FKBP14: variants seen among roughly 807,000 people sequenced by gnomAD.
FKBP14 encodes the protein FKBP prolyl isomerase 14, also known as peptidyl-prolyl cis-trans isomerase FKBP14.
A neutral mutation model predicts 21.6 loss-of-function variants in FKBP14; 20 were observed. The observed-to-expected ratio is 0.92, with a 90% confidence interval of 0.65 to 1.34. The LOEUF (loss-of-function observed/expected upper bound fraction) is 1.34, where lower values mean the gene tolerates loss of function less well. Among genes scored for constraint, FKBP14 ranks in the 40% most tolerant of loss-of-function variants. The probability of loss-of-function intolerance (pLI) is 0.00; values close to 1 mark genes in which losing one functional copy is unlikely to be tolerated. For missense variants in FKBP14, 253 were observed against 249.0 expected (o/e 1.02, Z -0.11); for synonymous variants, 79 against 86.7 (o/e 0.91, Z 0.49).
chr7:30,012,499 C>A lies in FKBP14; in HGVS notation c.*2236G>T, dbSNP rs1789766438. 6.6e-6 allele frequency: 1 copy of A among 152,158 alleles called. No homozygotes were observed. The highest frequency in any genetic ancestry group is 6.5e-5 in the Admixed American group (1 of 15,280). 9.4% of individuals were successfully genotyped at this position (152,158 alleles called of 1,614,324 possible). ...ACATTAGCAATGACTTAATAGTTTT[C>A]AACATACAGCTGATTTTGTTGGAGA... On this transcript the variant is annotated 3_prime_UTR_variant, in exon 4 of 4. Transcript: ENST00000222803.
intron 3 of FKBP14, among the ~76,000 whole-genome samples, chr7:30,015,914 C>T (rs955550499): frequency 4.0e-5 from 6 of 149,394 alleles, no homozygotes; most frequent in Non-Finnish European, 5.9e-5. Flanking sequence ...CGTGAGCCAC[C>T]GCGCCCGGCC....
At position 30,010,818 on chromosome 7, in the gene FKBP14, G is replaced by A. The variant is rs1201583800; in HGVS notation, c.*3917C>T. 6.6e-6 allele frequency: 1 copy of A among 152,080 alleles called. No homozygotes were observed. The highest frequency in any genetic ancestry group is 1.9e-4 in the East Asian group (1 of 5,186). 9.4% of individuals were successfully genotyped at this position (152,080 alleles called of 1,614,324 possible). A position where few individuals can be genotyped will look rare whatever the true frequency, so the allele number is the denominator to read the frequency against. On this transcript the variant is annotated 3_prime_UTR_variant, in exon 4 of 4. Transcript: ENST00000222803. Reference sequence around the variant, plus strand: ...ACCCTGCATAGGCCTAGGCTAGTGTGTTTGTCTTGGTTTTTGACCAAAAAG... The same window carrying A: ...ACCCTGCATAGGCCTAGGCTAGTGTATTTGTCTTGGTTTTTGACCAAAAAG...
At chr7:30,020,243 C>T (rs1305571397) in intron 2 of FKBP14, 17 of 1,269,270 alleles carry the variant, frequency 1.3e-5, no homozygotes, top group Non-Finnish European at 8.2e-6. Context: ...ATGTGACATG[C>T]GCTAGGTTGT....
chr7:30,015,016 A>G (rs1370154425), intron 3 of FKBP14, 123 bp from the exon 4 acceptor site: 5 of 500,346 alleles, frequency 1.0e-5, no homozygotes, highest in Middle Eastern at 3.7e-4. Flanking sequence ...TACCTTCTAA[A>G]CAGCCATTTT....
chr7:30,021,623 T>G (rs1264593545), intron 2 of FKBP14, among the ~76,000 whole-genome samples: 1 of 152,122 alleles, frequency 6.6e-6, no homozygotes, highest in Non-Finnish European at 1.5e-5. Flanking sequence ...TGGCACGTTC[T>G]TGGCTCATTG....
At chr7:30,026,198 T>C in intron 1 of FKBP14, 114 bp downstream of exon 1, 2 of 994,004 alleles carry the variant, frequency 2.0e-6, no homozygotes, top group Admixed American at 2.4e-5. Context: ...AAATAAGATA[T>C]TTCGGTTTTG....
At position 30,012,492 on chromosome 7, in the gene FKBP14, T is replaced by TAGTTTTCAAC. The variant is rs1789766370; in HGVS notation, c.*2233_*2242dup. On this transcript the variant is annotated 3_prime_UTR_variant, in exon 4 of 4. Coordinates refer to ENST00000222803, the MANE Select transcript of FKBP14 (RefSeq NM_017946.4). ...GCTTAAAACATTAGCAATGACTTAA[T>TAGTTTTCAAC]AGTTTTCAACATACAGCTGATTTTG... is the stretch of plus-strand genomic sequence containing the variant. 6.6e-6 allele frequency: 1 copy of TAGTTTTCAAC among 152,216 alleles called. No homozygotes were observed. The highest frequency in any genetic ancestry group is 2.1e-4 in the South Asian group (1 of 4,836). The allele number at this position is 152,216 out of a possible 1,614,324, so 9.4% of individuals were successfully genotyped here. A position where few individuals can be genotyped will look rare whatever the true frequency, so the allele number is the denominator to read the frequency against.
chr7:30,017,998 GAAATAAAT>G (rs56283024), intron 3 of FKBP14, among the ~76,000 whole-genome samples: 7,139 of 145,778 alleles, frequency 0.049, 329 homozygotes, highest in African/African-American at 0.12. Context: ...TCCCTCTCAG[GAAATAAAT>G]AAATAAATAA....
chr7:30,022,572 G>GAA, intron 2 of FKBP14, 93 bp downstream of exon 2: 7 of 1,197,262 alleles, frequency 5.8e-6, no homozygotes, highest in East Asian at 2.7e-5. Flanking sequence ...ACTTCCAGGG[G>GAA]AAAAAAAAAA....
downstream of FKBP14, among the ~76,000 whole-genome samples, chr7:30,006,852 C>T (rs1315557536): frequency 3.9e-5 from 6 of 152,186 alleles, no homozygotes; most frequent in East Asian, 1.2e-3. Flanking sequence ...CCCAAGGAGA[C>T]CTTCTATAGA....
At chr7:30,020,357 G>A in intron 2 of FKBP14, 2 of 968,762 alleles carry the variant, frequency 2.1e-6, no homozygotes, top group South Asian at 1.5e-5. Context: ...ATGGCATTCA[G>A]TTTGAAGGAA....
Position 30,015,014 on chromosome 7 carries a change from A to G in FKBP14, c.478-121T>C, listed in dbSNP as rs1188109324. On this transcript the variant is annotated intron_variant, in intron 3 of 3. Coordinates refer to ENST00000222803, the MANE Select transcript of FKBP14 (RefSeq NM_017946.4). ...TCATTAACTAAATATAATACCTTCT[A>G]AACAGCCATTTTATGACATAGTTTT... 1.4e-5 allele frequency: 7 copies of G among 507,504 alleles called. No homozygotes were observed. In the East Asian group the frequency reaches 2.0e-4, roughly 15 times the overall value. The allele number at this position is 507,504 out of a possible 1,614,324, so 31.4% of individuals were successfully genotyped here.
Position 30,013,228 on chromosome 7 carries a change from C to T in FKBP14, c.*1507G>A, listed in dbSNP as rs1344262951. On this transcript the variant is annotated 3_prime_UTR_variant, in exon 4 of 4. Transcript: ENST00000222803. ...TTAAAATCCAGGATAGGTATTTATT[C>T]AATAGTAGCTGCTGTAGGTCTGCTT... 6.7e-6 allele frequency: 1 copy of T among 150,348 alleles called. No homozygotes were observed. Among genetic ancestry groups the T allele is most frequent in the East Asian group, 1.9e-4 (1 of 5,172 alleles). The allele number at this position is 150,348 out of a possible 1,614,324, so 9.3% of individuals were successfully genotyped here.
chr7:30,022,904 T>G, intron 1 of FKBP14, 88 bp from the exon 2 acceptor site: 5 of 1,221,060 alleles, frequency 4.1e-6, no homozygotes, highest in East Asian at 2.5e-5. Context: ...GTGGTTAAGT[T>G]TATTAGTTTA....
Position 30,012,385 on chromosome 7 carries a change from A to G in FKBP14, c.*2350T>C, listed in dbSNP as rs962231258. The G allele has an allele frequency of 3.9e-5, 6 of 152,288 alleles. No individual in the cohort carries two copies. Among genetic ancestry groups the G allele is most frequent in the African/African-American group, 1.4e-4 (6 of 41,482 alleles). The allele number at this position is 152,288 out of a possible 1,614,324, so 9.4% of individuals were successfully genotyped here. ...TTCTTGCCCTACTATAGATAGCATC[A>G]GTAATGTTTATACAGAGTAGCACCA... On this transcript the variant is annotated 3_prime_UTR_variant, in exon 4 of 4. Transcript: ENST00000222803.
intron 1 of FKBP14, among the ~76,000 whole-genome samples, chr7:30,026,102 C>G (rs573849452): frequency 6.6e-6 from 1 of 152,312 alleles, no homozygotes; most frequent in South Asian, 2.1e-4. Context: ...ACAGCCTTTT[C>G]CAGACCACAT....
rs752985284 is a variant in FKBP14 at position 30,014,842 on chromosome 7, C to G, written c.529G>C (p.Glu177Gln). The change falls in exon 4 of 4, where the codon GAA becomes CAA. Residue 177 changes from glutamate (E) to glutamine (Q), a missense_variant. Physicochemically the swap from Glu to Gln is conservative, Grantham distance 29. Coordinates refer to ENST00000222803, the MANE Select transcript of FKBP14 (RefSeq NM_017946.4). ...TCCACCAAAGCATCATGATGACTTTCATTCACCACCGCACCATGTTTTTCA... is the reference window on the plus strand; with the variant it reads ...TCCACCAAAGCATCATGATGACTTTGATTCACCACCGCACCATGTTTTTCA... Reference protein sequence around the residue: ...EFEKHGAVVNESHHDALVEDI... With the variant: ...EFEKHGAVVNQSHHDALVEDI... The G allele has an allele frequency of 1.9e-6, 3 of 1,611,300 alleles. No homozygotes were observed. Among genetic ancestry groups the G allele is most frequent in the Non-Finnish European group, 2.5e-6 (3 of 1,179,230 alleles).
In FKBP14 at chr7:30,011,529, A is replaced by G. The variant is rs1042386882; in HGVS notation, c.*3206T>C. 6.9e-6 allele frequency: 1 copy of G among 145,440 alleles called. No homozygotes were observed. Among genetic ancestry groups the G allele is most frequent in the East Asian group, 2.0e-4 (1 of 5,100 alleles). The allele number at this position is 145,440 out of a possible 1,614,324, so 9.0% of individuals were successfully genotyped here. A position where few individuals can be genotyped will look rare whatever the true frequency, so the allele number is the denominator to read the frequency against. On this transcript the variant is annotated 3_prime_UTR_variant, in exon 4 of 4. Transcript: ENST00000222803. The stretch of plus-strand genomic sequence containing the variant: ...AGGTATACCATATATATATATATAC[A>G]CACACCATATATATATATACTATAT...
At chr7:30,010,548 C>T (rs1196572400), downstream of FKBP14, 1 of 152,164 alleles carries the variant, frequency 6.6e-6, no homozygotes, top group Non-Finnish European at 1.5e-5. Context: ...AGTACAACTG[C>T]TGAGGAAATT....
Sources: allele counts gnomAD v4.1 joint callset (sites outside exome capture counted in the v4.1 genomes callset), GRCh38; gene constraint gnomAD v4.1.1; transcripts MANE v1.5; gene names NCBI Gene and HGNC (gene_info 2026-07-23, HGNC 2026-07-21).